Variants in GLT8D2 observed in about 807,000 individuals in gnomAD.
GLT8D2 encodes the protein glycosyltransferase 8 domain-containing protein 2.
GLT8D2 carries 45 observed loss-of-function variants against 44.5 expected under a neutral mutation model. That is an observed-to-expected ratio of 1.01 (90% CI 0.80 to 1.30). GLT8D2 has a LOEUF of 1.30. GLT8D2 is among the 50% of genes most tolerant of loss of function. GLT8D2 has a pLI of 0.00. For missense variants in GLT8D2, 400 were observed against 430.4 expected (o/e 0.93, Z 0.62); for synonymous variants, 156 against 157.2 (o/e 0.99, Z 0.06).
At chr12:104,012,530 TG>T (rs1213750468) in intron 4 of GLT8D2, 1 of 334,402 alleles carries the variant, frequency 3.0e-6, no homozygotes, top group Non-Finnish European at 5.4e-6. Context: ...GAAGGGAGTC[TG>T]TGGTGGGATT....
At chr12:104,010,750 G>A (rs949345069) in intron 4 of GLT8D2, among the ~76,000 whole-genome samples, 6 of 152,156 alleles carry the variant, frequency 3.9e-5, no homozygotes, top group Non-Finnish European at 8.8e-5. Context: ...TAGACTGTAA[G>A]CTCATTATAT....
intron 4 of GLT8D2, 81 bp from the exon 5 acceptor site, chr12:104,003,387 G>T: frequency 8.5e-7 from 1 of 1,179,816 alleles, no homozygotes; most frequent in Non-Finnish European, 1.2e-6. Flanking sequence ...CATACTCCTG[G>T]GGGAAGATGG....
upstream of GLT8D2, among the ~76,000 whole-genome samples, chr12:104,052,572 T>A (rs1881810667): frequency 6.6e-6 from 1 of 152,204 alleles, no homozygotes; most frequent in Admixed American, 6.5e-5. Flanking sequence ...TGGCATGGCA[T>A]CCACATTGGT....
At chr12:104,050,301 A>G (rs1881589783), upstream of GLT8D2, 1 of 152,258 alleles carries the variant, frequency 6.6e-6, no homozygotes, top group Non-Finnish European at 1.5e-5. Context: ...GGAGGAAAAG[A>G]CACAAAACCA....
intron 1 of GLT8D2, among the ~76,000 whole-genome samples, chr12:104,039,482 G>A (rs551810062): frequency 0.012 from 1,838 of 151,014 alleles, 17 homozygotes; most frequent in Non-Finnish European, 0.015. Context: ...AAAAGTGGGC[G>A]AAGGATATGA....
intron 4 of GLT8D2, among the ~76,000 whole-genome samples, chr12:104,007,885 T>C (rs916546307): frequency 2.0e-5 from 3 of 152,208 alleles, no homozygotes; most frequent in African/African-American, 4.8e-5. Context: ...CTGGTAGTTT[T>C]ATCAGGGGTT....
At chr12:104,016,645 G>GGAGAGAAA (rs1555278860) in intron 3 of GLT8D2, among the ~76,000 whole-genome samples, 2 of 125,478 alleles carry the variant, frequency 1.6e-5, no homozygotes, top group African/African-American at 3.0e-5. Flanking sequence ...AAAGAAAGAA[G>GGAGAGAAA]GAGAGAAAGA....
At chr12:104,016,621 G>T (rs967118119) in intron 3 of GLT8D2, among the ~76,000 whole-genome samples, 7 of 148,824 alleles carry the variant, frequency 4.7e-5, no homozygotes, top group African/African-American at 1.7e-4. Flanking sequence ...GTGACAAAGG[G>T]AGACTCTGTC....
At chr12:103,992,491 C>CTTT (rs1232659471) in intron 10 of GLT8D2, among the ~76,000 whole-genome samples, 119 of 129,978 alleles carry the variant, frequency 9.2e-4, no homozygotes, top group Non-Finnish European at 1.2e-3. Flanking sequence ...CTCTCTCTCT[C>CTTT]TTTTTTTTTT....
chr12:104,011,148 A>G (rs1303658057), intron 4 of GLT8D2, among the ~76,000 whole-genome samples: 1 of 152,232 alleles, frequency 6.6e-6, no homozygotes, highest in Non-Finnish European at 1.5e-5. Flanking sequence ...GGACAAATGC[A>G]CACTGGAGAA....
intron 1 of GLT8D2, among the ~76,000 whole-genome samples, chr12:104,047,420 T>C (rs74653782): frequency 0.093 from 14,045 of 151,618 alleles, 948 homozygotes; most frequent in East Asian, 0.3. Flanking sequence ...TTCTCCTATC[T>C]CAGCCTTCCA....
intron 1 of GLT8D2, among the ~76,000 whole-genome samples, chr12:104,026,449 G>T (rs988949103): frequency 6.6e-6 from 1 of 152,044 alleles, no homozygotes; most frequent in Non-Finnish European, 1.5e-5. Flanking sequence ...AAATCAAGAA[G>T]GCTAAGACAC....
In GLT8D2 at chr12:104,022,074, G is replaced by GAA. The variant is rs72438249; in HGVS notation, c.-163-585_-163-584dup. Among the ~76,000 whole-genome samples the GAA allele has an allele frequency of 9.0e-5, 8 of 88,462 alleles. No homozygotes were observed. In the South Asian group the frequency reaches 1.7e-3, roughly 19 times the overall value. The allele number at this position is 88,462 out of a possible 152,430, so 58.0% of individuals were successfully genotyped here. A position where few individuals can be genotyped will look rare whatever the true frequency, so the allele number is the denominator to read the frequency against. ...AGAAGAAGGGAAAGAAAGAAAGAAAGAAAAAAAAAGAAAGAAAGAAAGAAG... is the reference window on the plus strand; with the variant it reads ...AGAAGAAGGGAAAGAAAGAAAGAAAGAAAAAAAAAAAGAAAGAAAGAAAGAAG... On this transcript the variant is annotated intron_variant, in intron 1 of 10. Coordinates refer to ENST00000360814, the MANE Select transcript of GLT8D2 (RefSeq NM_001384711.1).
chr12:104,061,336 T>C (rs1431118163), intron 1 of GLT8D2, among the ~76,000 whole-genome samples: 1 of 152,234 alleles, frequency 6.6e-6, no homozygotes, highest in Non-Finnish European at 1.5e-5. Flanking sequence ...TAGACTAGTT[T>C]TTTTAAATTT....
At chr12:104,018,029 G>C (rs1877117949) in intron 3 of GLT8D2, among the ~76,000 whole-genome samples, 1 of 152,016 alleles carries the variant, frequency 6.6e-6, no homozygotes, top group Non-Finnish European at 1.5e-5. Context: ...GAGTGCAGCA[G>C]TGTGATCTCA....
At chr12:104,029,135 C>CA (rs1204414180) in intron 1 of GLT8D2, among the ~76,000 whole-genome samples, 24 of 151,994 alleles carry the variant, frequency 1.6e-4, no homozygotes, top group African/African-American at 5.3e-4. Context: ...ACTAAAAACA[C>CA]AAAAATTAGC....
At chr12:104,025,223 T>C (rs1399951447) in intron 1 of GLT8D2, among the ~76,000 whole-genome samples, 1 of 152,124 alleles carries the variant, frequency 6.6e-6, no homozygotes, top group Non-Finnish European at 1.5e-5. Context: ...TTTTCTTTTT[T>C]TTTGAAACAG....
intron 5 of GLT8D2, among the ~76,000 whole-genome samples, chr12:104,002,068 TG>T (rs1319765657): frequency 6.6e-6 from 1 of 152,150 alleles, no homozygotes; most frequent in Non-Finnish European, 1.5e-5. Flanking sequence ...CTCAAACTCC[TG>T]GGCTCAAGGG....
chr12:103,998,236 T>TTA (rs1873731812), intron 6 of GLT8D2, among the ~76,000 whole-genome samples: 1 of 151,582 alleles, frequency 6.6e-6, no homozygotes, highest in African/African-American at 2.4e-5. Flanking sequence ...CCACTCTTTT[T>TTA]TTTTTTTTTC....
Sources: gnomAD v4.1 joint callset for allele counts (sites outside exome capture counted in the v4.1 genomes callset) on GRCh38, gnomAD v4.1.1 for gene constraint, MANE v1.5 for transcripts, NCBI Gene and HGNC (gene_info 2026-07-23, HGNC 2026-07-21) for gene names.